The following NFIB variants were observed in gnomAD, a reference collection of about 807,000 sequenced individuals.
The protein encoded by NFIB is nuclear factor 1 B-type.
A neutral mutation model predicts 61.5 loss-of-function variants in NFIB; 11 were observed. That is an observed-to-expected ratio of 0.18 (90% CI 0.11 to 0.30). The LOEUF (loss-of-function observed/expected upper bound fraction) is 0.30. Ranked by LOEUF, NFIB falls within the 10% of genes least tolerant of loss-of-function variation. NFIB has a pLI of 1.00. For missense variants in NFIB, 471 were observed against 608.9 expected (o/e 0.77, Z 2.38); for synonymous variants, 260 against 216.5 (o/e 1.20, Z -1.76).
chr9:14,246,083 A>G (rs1348830948), intron 2 of NFIB, among the ~76,000 whole-genome samples: 1 of 151,520 alleles, frequency 6.6e-6, no homozygotes, highest in Non-Finnish European at 1.5e-5. Context: ...CCTGAGAATT[A>G]GAGAGGAAAA....
intron 4 of NFIB, among the ~76,000 whole-genome samples, chr9:14,152,193 CT>C (rs2042940120): frequency 1.3e-5 from 2 of 152,098 alleles, no homozygotes. Flanking sequence ...TCTGGATTAT[CT>C]ATCAGCCTTC....
At chr9:14,115,366 T>C (rs1293856841) in intron 9 of NFIB, among the ~76,000 whole-genome samples, 1 of 152,176 alleles carries the variant, frequency 6.6e-6, no homozygotes, top group Non-Finnish European at 1.5e-5. Flanking sequence ...ATTCGATAGC[T>C]TTATCCATTC....
the NFIB span, among the ~76,000 whole-genome samples, chr9:14,459,225 T>C: frequency 3.3e-5 from 5 of 152,160 alleles, no homozygotes; most frequent in African/African-American, 1.2e-4. Flanking sequence ...TATCTACAAC[T>C]ATCTGATCTT....
chr9:14,091,972 T>C lies in NFIB; in HGVS notation c.1468-3646A>G, dbSNP rs904712261. Among the ~76,000 whole-genome samples, 5 of 152,218 alleles carry C rather than the reference T, an allele frequency of 3.3e-5. No homozygotes were observed. In the East Asian group the frequency reaches 7.7e-4, roughly 23 times the overall value. On this transcript the variant is annotated intron_variant, in intron 10 of 10. Transcript: ENST00000380953. ...ATGTTTGATATCATGGATACTATTT[T>C]CTTGCTATTTTGACCAAATGTATGA...
chr9:14,356,173 G>T (rs1035247916), intron 1 of NFIB, among the ~76,000 whole-genome samples: 1 of 152,088 alleles, frequency 6.6e-6, no homozygotes, highest in Non-Finnish European at 1.5e-5. Context: ...ACACTAGTAC[G>T]CACTTTTTGT....
chr9:14,370,859 C>G (rs1326649730), intron 1 of NFIB, among the ~76,000 whole-genome samples: 2 of 152,194 alleles, frequency 1.3e-5, no homozygotes, highest in Non-Finnish European at 2.9e-5. Context: ...GTTTGGGAGG[C>G]CGAGGCGGGT....
At chr9:14,244,524 C>T (rs925932017) in intron 2 of NFIB, among the ~76,000 whole-genome samples, 3 of 152,210 alleles carry the variant, frequency 2.0e-5, no homozygotes, top group Non-Finnish European at 2.9e-5. Context: ...TAAGCTTTAC[C>T]GATAACTTTA....
intron 8 of NFIB, among the ~76,000 whole-genome samples, chr9:14,116,563 T>C (rs2038175827): frequency 6.6e-6 from 1 of 152,236 alleles, no homozygotes; most frequent in African/African-American, 2.4e-5. Context: ...AAGCACGTCA[T>C]GGTATAGGTG....
intron 2 of NFIB, among the ~76,000 whole-genome samples, chr9:14,187,027 A>ATATGTGTGTG (rs1491093222): frequency 1.1e-3 from 69 of 61,038 alleles, no homozygotes; most frequent in African/African-American, 2.3e-3. Flanking sequence ...GTGTGTGTGT[A>ATATGTGTGTG]TGTGTGTGTG....
intron 3 of NFIB, among the ~76,000 whole-genome samples, chr9:14,156,733 T>C (rs765006017): frequency 6.6e-6 from 1 of 152,148 alleles, no homozygotes; most frequent in Non-Finnish European, 1.5e-5. Context: ...TTCTCATCTA[T>C]GTTAAGGGGG....
the NFIB span, among the ~76,000 whole-genome samples, chr9:14,531,224 T>A: frequency 6.6e-6 from 1 of 152,170 alleles, no homozygotes; most frequent in African/African-American, 2.4e-5. Context: ...TTCACCAATA[T>A]CCCTCCCTGA....
At chr9:14,443,789 C>T in the NFIB span, among the ~76,000 whole-genome samples, 4 of 152,210 alleles carry the variant, frequency 2.6e-5, 1 homozygote, top group Admixed American at 1.3e-4. Context: ...CTGTAATATC[C>T]GTGAAGACAG....
chr9:14,520,928 G>A, the NFIB span, among the ~76,000 whole-genome samples: 2 of 152,182 alleles, frequency 1.3e-5, no homozygotes, highest in Non-Finnish European at 2.9e-5. Context: ...AAAGTAGTCA[G>A]GACTCAGAGG....
chr9:14,123,603 A>G (rs903005118), intron 7 of NFIB, among the ~76,000 whole-genome samples: 8 of 152,216 alleles, frequency 5.3e-5, no homozygotes, highest in Admixed American at 1.3e-4. Flanking sequence ...ATCTCTGGCC[A>G]GACGAAGATA....
At chr9:14,499,112 G>A in the NFIB span, among the ~76,000 whole-genome samples, 1 of 151,934 alleles carries the variant, frequency 6.6e-6, no homozygotes, top group Non-Finnish European at 1.5e-5. Context: ...ATGAAGCAGA[G>A]ATCTGGAGTA....
exon 1 of NFIB, chr9:14,398,609 A>C: frequency 6.5e-7 from 1 of 1,532,796 alleles, no homozygotes; most frequent in Non-Finnish European, 8.7e-7. Context: ...CCAGAAGTCC[A>C]CAGACACTGG....
intron 2 of NFIB, among the ~76,000 whole-genome samples, chr9:14,272,814 A>G (rs556510490): frequency 2.2e-3 from 328 of 152,262 alleles, no homozygotes; most frequent in African/African-American, 7.5e-3. Flanking sequence ...ATATATTATG[A>G]AAGCAAATCT....
chr9:14,363,779 A>C (rs1185185256), intron 1 of NFIB, among the ~76,000 whole-genome samples: 1 of 152,120 alleles, frequency 6.6e-6, no homozygotes, highest in Non-Finnish European at 1.5e-5. Context: ...CACTTATTTT[A>C]CAAAAAAATG....
At chr9:14,318,993 T>G (rs1363362075), upstream of NFIB, among the ~76,000 whole-genome samples, 1 of 152,100 alleles carries the variant, frequency 6.6e-6, no homozygotes, top group African/African-American at 2.4e-5. Flanking sequence ...GGGTAGTAAT[T>G]TTTTCCCCAC....
Sources: gnomAD v4.1 joint callset for allele counts (sites outside exome capture counted in the v4.1 genomes callset) on GRCh38, gnomAD v4.1.1 for gene constraint, MANE v1.5 for transcripts, NCBI Gene and HGNC (gene_info 2026-07-23, HGNC 2026-07-21) for gene names.